Variants in GRID2 observed in about 807,000 individuals in gnomAD.
GRID2 encodes glutamate ionotropic receptor delta type subunit 2, also known as glutamate receptor ionotropic, delta-2.
In GRID2, 33 loss-of-function variants were observed where a neutral mutation model predicts 114.8. That is an observed-to-expected ratio of 0.29 (90% CI 0.22 to 0.38). The LOEUF is 0.38. Ranked by LOEUF, GRID2 falls within the 10% of genes least tolerant of loss-of-function variation. The pLI, the probability that GRID2 is intolerant of heterozygous loss-of-function variation, is 1.00. For missense variants in GRID2, 1,184 were observed against 1,257.7 expected, an observed-to-expected ratio of 0.94 and a Z score of 0.89; for synonymous variants, 505 against 449.9, an observed-to-expected ratio of 1.12 and a Z score of -1.55.
chr4:92,837,763 A>T (rs1742561442), intron 2 of GRID2, among the ~76,000 whole-genome samples: 1 of 152,094 alleles, frequency 6.6e-6, no homozygotes, highest in African/African-American at 2.4e-5. Context: ...ACTAGGATCT[A>T]TTTATTCTCA....
intron 1 of GRID2, among the ~76,000 whole-genome samples, chr4:93,795,142 C>A (rs1470649935): frequency 6.6e-6 from 1 of 151,780 alleles, no homozygotes; most frequent in Admixed American, 6.6e-5. Context: ...TATATTTAAT[C>A]TCAGATATAA....
chr4:92,687,987 T>C (rs1455889612), intron 2 of GRID2, among the ~76,000 whole-genome samples: 2 of 147,098 alleles, frequency 1.4e-5, no homozygotes, highest in Non-Finnish European at 3.0e-5. Context: ...TGGCCATTTT[T>C]AAAAATGAGA....
chr4:92,877,411 C>A (rs761071167), intron 2 of GRID2, among the ~76,000 whole-genome samples: 16 of 152,122 alleles, frequency 1.1e-4, no homozygotes, highest in Admixed American at 2.6e-4. Context: ...ATGTGTGGAG[C>A]AATATGAAGC....
chr4:93,495,506 T>A (rs915895360), intron 12 of GRID2, among the ~76,000 whole-genome samples: 1 of 151,628 alleles, frequency 6.6e-6, no homozygotes, highest in Admixed American at 6.6e-5. Context: ...AAAAGGAAAG[T>A]GGGACTAAAT....
At chr4:92,381,088 G>T (rs1049778265) in intron 1 of GRID2, among the ~76,000 whole-genome samples, 1 of 151,894 alleles carries the variant, frequency 6.6e-6, no homozygotes, top group Admixed American at 6.6e-5. Flanking sequence ...AAATATAGTA[G>T]ATACCATACA....
chr4:93,178,182 C>T (rs1258060244), intron 4 of GRID2, among the ~76,000 whole-genome samples: 2 of 151,582 alleles, frequency 1.3e-5, no homozygotes, highest in African/African-American at 4.8e-5. Context: ...AAAGTGAAAG[C>T]TACTGTATCC....
At chr4:92,467,793 T>C (rs949725981) in intron 1 of GRID2, among the ~76,000 whole-genome samples, 1 of 151,958 alleles carries the variant, frequency 6.6e-6, no homozygotes, top group Non-Finnish European at 1.5e-5. Flanking sequence ...AGGTTTAATA[T>C]TGGGAATTAA....
At chr4:93,680,044 G>GA in intron 14 of GRID2, among the ~76,000 whole-genome samples, 1 of 150,622 alleles carries the variant, frequency 6.6e-6, no homozygotes, top group South Asian at 2.1e-4. Context: ...GACTAATAAA[G>GA]AAAAAAAGAG....
intron 1 of GRID2, among the ~76,000 whole-genome samples, chr4:92,382,646 A>C (rs1338026192): frequency 6.6e-6 from 1 of 152,008 alleles, no homozygotes; most frequent in Admixed American, 6.6e-5. Flanking sequence ...GAGGAATTGG[A>C]ATATGTATTC....
At position 93,637,941 on chromosome 4, in the gene GRID2, A is replaced by G. The variant is rs1465218088; in HGVS notation, c.2360+11506A>G. ...TGGTCAGACAGTCTACTCACATGTT[A>G]AACGTTTACTAATATGAAACAGAAT... On this transcript the variant is annotated intron_variant, in intron 14 of 15. Coordinates refer to ENST00000282020, the MANE Select transcript of GRID2 (RefSeq NM_001510.4). 2.6e-5 allele frequency among the ~76,000 whole-genome samples: 4 copies of G among 152,290 alleles called. No homozygotes were observed. The East Asian group carries it at 7.7e-4, about 29-fold the overall frequency.
intron 2 of GRID2, among the ~76,000 whole-genome samples, chr4:92,952,093 G>T (rs1181653828): frequency 6.6e-6 from 1 of 152,094 alleles, no homozygotes; most frequent in East Asian, 1.9e-4. Flanking sequence ...TTGATCAAAG[G>T]GTAAATGCAT....
intron 14 of GRID2, among the ~76,000 whole-genome samples, chr4:93,696,532 T>C (rs1440128205): frequency 6.6e-6 from 1 of 152,170 alleles, no homozygotes; most frequent in African/African-American, 2.4e-5. Flanking sequence ...GACATTCACA[T>C]AGAAAAATGA....
chr4:93,274,369 A>G (rs1401853856), intron 8 of GRID2, among the ~76,000 whole-genome samples: 1 of 152,142 alleles, frequency 6.6e-6, no homozygotes, highest in Admixed American at 6.6e-5. Flanking sequence ...CTGTCCTACA[A>G]TTATAACTGA....
intron 8 of GRID2, among the ~76,000 whole-genome samples, chr4:93,352,408 C>G (rs893116734): frequency 6.6e-6 from 1 of 151,984 alleles, no homozygotes; most frequent in Admixed American, 6.6e-5. Context: ...GGAAAAGAAG[C>G]AGTACACAGA....
intron 3 of GRID2, among the ~76,000 whole-genome samples, chr4:93,108,947 G>A (rs1024757148): frequency 6.6e-6 from 1 of 152,026 alleles, no homozygotes; most frequent in Non-Finnish European, 1.5e-5. Context: ...GTATTCTAAA[G>A]GTATATTGGT....
At chr4:92,800,905 T>A (rs963684369) in intron 2 of GRID2, among the ~76,000 whole-genome samples, 9 of 152,024 alleles carry the variant, frequency 5.9e-5, no homozygotes, top group African/African-American at 2.2e-4. Context: ...GTCCCACTTT[T>A]TATTAACCCC....
At chr4:92,557,569 T>C (rs1293571104) in intron 1 of GRID2, among the ~76,000 whole-genome samples, 1 of 150,116 alleles carries the variant, frequency 6.7e-6, no homozygotes, top group Non-Finnish European at 1.5e-5. Flanking sequence ...AATACTTTAC[T>C]GCAGAAATAT....
chr4:93,050,480 A>G (rs1560827992), intron 2 of GRID2, among the ~76,000 whole-genome samples: 1 of 151,040 alleles, frequency 6.6e-6, no homozygotes, highest in Non-Finnish European at 1.5e-5. Flanking sequence ...CCATGAAGTC[A>G]GTCCTTGACC....
chr4:93,025,835 A>G (rs980002975), intron 2 of GRID2, among the ~76,000 whole-genome samples: 5 of 151,676 alleles, frequency 3.3e-5, no homozygotes, highest in African/African-American at 1.2e-4. Flanking sequence ...AAGTCATTCT[A>G]TATTTATTTT....
Sources: gnomAD v4.1 joint callset for allele counts (sites outside exome capture counted in the v4.1 genomes callset) on GRCh38, gnomAD v4.1.1 for gene constraint, MANE v1.5 for transcripts, NCBI Gene and HGNC (gene_info 2026-07-23, HGNC 2026-07-21) for gene names.